SCN8A: variants seen among roughly 807,000 people sequenced by gnomAD.
SCN8A encodes sodium channel protein type 8 subunit alpha.
In SCN8A, 30 loss-of-function variants were observed where a neutral mutation model predicts 184.1. That is an observed-to-expected ratio of 0.16 (90% CI 0.12 to 0.22). The LOEUF (loss-of-function observed/expected upper bound fraction) is 0.22, where lower values mean the gene tolerates loss of function less well. SCN8A is among the 10% of genes least tolerant of loss of function. SCN8A has a pLI of 1.00. For synonymous variants in SCN8A, 852 were observed against 907.0 expected (o/e 0.94, Z 1.09); for missense variants, 1,057 against 2,498.9 (o/e 0.42, Z 12.30).
chr12:51,607,743 A>G (rs1027529985), intron 1 of SCN8A, among the ~76,000 whole-genome samples: 5 of 152,072 alleles, frequency 3.3e-5, no homozygotes, highest in South Asian at 4.1e-4. Context: ...TGACTTCCAT[A>G]TGTTAAGCCA....
chr12:51,673,115 C>A (rs192857102), intron 2 of SCN8A, among the ~76,000 whole-genome samples: 1 of 152,192 alleles, frequency 6.6e-6, no homozygotes, highest in Admixed American at 6.5e-5. Flanking sequence ...CCCATGGGTT[C>A]CACATTTAAG....
chr12:51,741,279 ACTT>A (rs1191249037), intron 12 of SCN8A, among the ~76,000 whole-genome samples: 1 of 152,116 alleles, frequency 6.6e-6, no homozygotes, highest in African/African-American at 2.4e-5. Flanking sequence ...TATAGCTACT[ACTT>A]CTGCTCTTTT....
At position 51,774,362 on chromosome 12, in the gene SCN8A, T is replaced by C. The variant is rs753343522; in HGVS notation, c.3819T>C (p.Ala1273=). ...AWCWLDFLIV[A]VSLVSLIANA... ...GTTGGCTGGACTTCCTCATTGTGGCTGTAGGTGTCTTGCTTTCTGTTTCCC... is the reference window on the plus strand; with the variant it reads ...GTTGGCTGGACTTCCTCATTGTGGCCGTAGGTGTCTTGCTTTCTGTTTCCC... The change falls in exon 20 of 27, where the codon GCT becomes GCC. Residue 1273 remains alanine, a splice_region_variant and synonymous_variant. Transcript: ENST00000627620. 4.4e-6 allele frequency: 7 copies of C among 1,602,744 alleles called. No homozygotes were observed. The highest frequency in any genetic ancestry group is 5.1e-6 in the Non-Finnish European group (6 of 1,173,728).
intron 1 of SCN8A, among the ~76,000 whole-genome samples, chr12:51,608,059 C>T (rs1482715535): frequency 4.3e-5 from 6 of 138,390 alleles, no homozygotes; most frequent in Non-Finnish European, 9.1e-5. Flanking sequence ...CTTGCTCTGT[C>T]GCCCAGGCTG....
intron 12 of SCN8A, among the ~76,000 whole-genome samples, chr12:51,739,530 A>G (rs533395869): frequency 1.3e-5 from 2 of 152,102 alleles, no homozygotes; most frequent in Non-Finnish European, 2.9e-5. Context: ...CTGTTACTTC[A>G]CTATTCTCTT....
chr12:51,783,693 A>G (rs1472783335), intron 21 of SCN8A, among the ~76,000 whole-genome samples: 3 of 152,240 alleles, frequency 2.0e-5, no homozygotes, highest in Non-Finnish European at 4.4e-5. Context: ...ACATGCATGC[A>G]TTTTTGTTGA....
intron 1 of SCN8A, among the ~76,000 whole-genome samples, chr12:51,599,271 T>C (rs1939413842): frequency 1.3e-5 from 2 of 152,200 alleles, no homozygotes; most frequent in African/African-American, 4.8e-5. Flanking sequence ...AGAAAAGATT[T>C]TCATAATGGT....
At chr12:51,752,643 TA>T (rs1942613706) in intron 14 of SCN8A, among the ~76,000 whole-genome samples, 4 of 152,180 alleles carry the variant, frequency 2.6e-5, no homozygotes, top group Admixed American at 2.6e-4. Flanking sequence ...TGCAATGATG[TA>T]AACCCTTGTG....
intron 1 of SCN8A, among the ~76,000 whole-genome samples, chr12:51,636,866 C>T (rs911352833): frequency 3.9e-5 from 6 of 152,160 alleles, no homozygotes; most frequent in African/African-American, 9.7e-5. Flanking sequence ...AAATATAAAA[C>T]GATACAGGCA....
intron 2 of SCN8A, among the ~76,000 whole-genome samples, chr12:51,680,721 G>T (rs143534120): frequency 1.3e-3 from 202 of 152,254 alleles, no homozygotes; most frequent in African/African-American, 4.5e-3. Context: ...AAAAAATCCT[G>T]CCAGGCGCGG....
chr12:51,781,643 C>T (rs972215926), intron 21 of SCN8A, among the ~76,000 whole-genome samples: 6 of 151,944 alleles, frequency 3.9e-5, no homozygotes, highest in Admixed American at 6.6e-5. Context: ...CGTGTGCGTG[C>T]GTGCACGCGC....
chr12:51,667,370 A>G (rs4761996), intron 2 of SCN8A, among the ~76,000 whole-genome samples: 111,410 of 151,638 alleles, frequency 0.73, 43,170 homozygotes, highest in East Asian at 0.86. Context: ...TTTACTTACT[A>G]TTATTTTTTT....
intron 6 of SCN8A, 91 bp from the exon 7 acceptor site, chr12:51,699,479 G>A: frequency 3.6e-6 from 3 of 839,892 alleles, no homozygotes; most frequent in South Asian, 3.7e-5. Flanking sequence ...GGTGCTGTGG[G>A]GAGGAGTAGC....
rs146309140 is a variant in SCN8A at position 51,642,042 on chromosome 12, T to A, written c.-54-20722T>A. On this transcript the variant is annotated intron_variant, in intron 1 of 26. Transcript: ENST00000627620. ...CCCGCATTGTATACTAGTTGTCCTA[T>A]CTCCTTTTTTTCTTTCTCCTGCACC... 2.6e-3 allele frequency among the ~76,000 whole-genome samples: 390 copies of A among 152,308 alleles called. 4 individuals are homozygous for A. The highest frequency in any genetic ancestry group is 9.1e-3 in the African/African-American group (380 of 41,564).
chr12:51,780,605 G>A, intron 20 of SCN8A, 44 bp from the exon 21 acceptor site: 3 of 71,132 alleles, frequency 4.2e-5, no homozygotes, highest in Non-Finnish European at 6.8e-5. Flanking sequence ...TTTTTTTTTT[G>A]GTTACCTTTT....
chr12:51,628,306 T>C (rs912565112), intron 1 of SCN8A, among the ~76,000 whole-genome samples: 1 of 152,232 alleles, frequency 6.6e-6, no homozygotes. Context: ...TGTTTAGAAG[T>C]GACTCATTGT....
intron 1 of SCN8A, among the ~76,000 whole-genome samples, chr12:51,656,338 G>C (rs1592359042): frequency 6.6e-6 from 1 of 152,090 alleles, no homozygotes; most frequent in East Asian, 1.9e-4. Flanking sequence ...AAATGAGAAA[G>C]GTAAAATAAT....
chr12:51,796,889 T>G (rs1752725587), intron 26 of SCN8A, among the ~76,000 whole-genome samples: 1 of 152,220 alleles, frequency 6.6e-6, no homozygotes, highest in Non-Finnish European at 1.5e-5. Flanking sequence ...GCAAGTCAGC[T>G]TCTTCCATCT....
intron 11 of SCN8A, among the ~76,000 whole-genome samples, chr12:51,714,661 A>G (rs536124458): frequency 1.3e-5 from 2 of 152,340 alleles, no homozygotes; most frequent in East Asian, 3.9e-4. Flanking sequence ...TGGCATGGAA[A>G]TAGAACATGT....
Sources: gnomAD v4.1 joint callset for allele counts (sites outside exome capture counted in the v4.1 genomes callset) on GRCh38, gnomAD v4.1.1 for gene constraint, MANE v1.5 for transcripts, NCBI Gene and HGNC (gene_info 2026-07-23, HGNC 2026-07-21) for gene names.